The following ADAM12 variants were observed in gnomAD, a reference collection of about 807,000 sequenced individuals.
ADAM12 encodes the protein ADAM metallopeptidase domain 12.
In ADAM12, 70 loss-of-function variants were observed where a neutral mutation model predicts 106.4. That is an observed-to-expected ratio of 0.66 (90% CI 0.54 to 0.80). The LOEUF is 0.80. Ranked by LOEUF, ADAM12 falls within the 30% of genes least tolerant of loss-of-function variation. The probability of loss-of-function intolerance (pLI) is 0.00; values close to 1 mark genes in which losing one functional copy is unlikely to be tolerated. For missense variants in ADAM12, 1,010 were observed against 1,171.9 expected, an observed-to-expected ratio of 0.86 and a Z score of 2.02; for synonymous variants, 420 against 433.5, an observed-to-expected ratio of 0.97 and a Z score of 0.39.
chr10:126,295,569 ACAT>A (rs1040741730), intron 2 of ADAM12, among the ~76,000 whole-genome samples: 1 of 152,010 alleles, frequency 6.6e-6, no homozygotes, highest in African/African-American at 2.4e-5. Context: ...ACACACACAC[ACAT>A]CTCTGTTCTC....
intron 3 of ADAM12, among the ~76,000 whole-genome samples, chr10:126,222,155 C>T (rs1276145310): frequency 6.6e-6 from 1 of 152,202 alleles, no homozygotes; most frequent in Non-Finnish European, 1.5e-5. Flanking sequence ...TACTCAGTTA[C>T]AGGGACTGCT....
intron 3 of ADAM12, among the ~76,000 whole-genome samples, chr10:126,227,543 G>A (rs1958221802): frequency 6.6e-6 from 1 of 152,116 alleles, no homozygotes. Context: ...ACAGGAGCTT[G>A]TTAGAAACAT....
intron 1 of ADAM12, among the ~76,000 whole-genome samples, chr10:126,359,433 A>T (rs1204594744): frequency 1.3e-5 from 2 of 152,184 alleles, no homozygotes; most frequent in Non-Finnish European, 2.9e-5. Context: ...TACTTCCTAG[A>T]TACAATGAGG....
intron 3 of ADAM12, among the ~76,000 whole-genome samples, chr10:126,167,273 C>G (rs565522590): frequency 1.3e-5 from 2 of 152,322 alleles, no homozygotes; most frequent in African/African-American, 4.8e-5. Flanking sequence ...TTGCCGGGGT[C>G]ACACAGCTGG....
intron 3 of ADAM12, among the ~76,000 whole-genome samples, chr10:126,223,099 C>T (rs908352804): frequency 1.3e-5 from 2 of 152,188 alleles, no homozygotes; most frequent in African/African-American, 2.4e-5. Context: ...TTTTGCCTAT[C>T]GTTTTTCCTA....
At chr10:126,165,904 C>A (rs1957016283) in intron 3 of ADAM12, among the ~76,000 whole-genome samples, 1 of 152,180 alleles carries the variant, frequency 6.6e-6, no homozygotes, top group African/African-American at 2.4e-5. Context: ...TCTGTAAGAA[C>A]AATGGAGCAC....
In ADAM12 at chr10:126,232,025, A is replaced by G. The variant is rs186198079; in HGVS notation, c.260+46890T>C. The stretch of plus-strand genomic sequence containing the variant: ...TATATAACTGAAAGGAATTCTGGAC[A>G]TGAGTGTCCCTCACCCCATTGTTTC... On this transcript the variant is annotated intron_variant, in intron 3 of 22. Transcript: ENST00000448723. Among the ~76,000 whole-genome samples the G allele has an allele frequency of 2.0e-3, 311 of 152,314 alleles. 2 individuals are homozygous for G. The highest frequency in any genetic ancestry group is 7.1e-3 in the African/African-American group (297 of 41,572).
chr10:126,093,928 C>A, intron 11 of ADAM12, 57 bp downstream of exon 11: 1 of 1,598,642 alleles, frequency 6.3e-7, no homozygotes, highest in South Asian at 1.1e-5. Flanking sequence ...ATCTGGTTCC[C>A]AACACACACT....
intron 6 of ADAM12, among the ~76,000 whole-genome samples, chr10:126,114,759 C>T (rs564790177): frequency 2.6e-5 from 4 of 152,270 alleles, no homozygotes; most frequent in East Asian, 1.9e-4. Flanking sequence ...GGACTACAGG[C>T]GTGAGCCCCC....
intron 3 of ADAM12, among the ~76,000 whole-genome samples, chr10:126,202,214 C>T (rs1329484435): frequency 6.6e-6 from 1 of 152,224 alleles, no homozygotes; most frequent in Admixed American, 6.5e-5. Context: ...GCTATTAGTA[C>T]CTGTGGAAAA....
intron 1 of ADAM12, among the ~76,000 whole-genome samples, chr10:126,341,345 A>C (rs1167728942): frequency 6.6e-6 from 1 of 152,202 alleles, no homozygotes; most frequent in African/African-American, 2.4e-5. Flanking sequence ...GTATTTGTGC[A>C]ATGAATTATT....
intron 3 of ADAM12, among the ~76,000 whole-genome samples, chr10:126,163,905 T>C (rs920319473): frequency 2.0e-5 from 3 of 152,212 alleles, no homozygotes; most frequent in Non-Finnish European, 4.4e-5. Context: ...CAACCCAATC[T>C]GGATAGAATG....
intron 14 of ADAM12, among the ~76,000 whole-genome samples, chr10:126,059,514 T>C (rs1442529623): frequency 6.6e-6 from 1 of 152,236 alleles, no homozygotes; most frequent in African/African-American, 2.4e-5. Flanking sequence ...ATAAGACTTC[T>C]GGCAAAAATC....
At chr10:126,183,167 G>A (rs1020572518) in intron 3 of ADAM12, among the ~76,000 whole-genome samples, 2 of 152,152 alleles carry the variant, frequency 1.3e-5, no homozygotes, top group Admixed American at 6.5e-5. Flanking sequence ...AGATGGGACC[G>A]TCTAGTTACA....
intron 3 of ADAM12, among the ~76,000 whole-genome samples, chr10:126,235,970 G>T (rs1171047783): frequency 2.0e-5 from 3 of 152,106 alleles, no homozygotes; most frequent in Non-Finnish European, 4.4e-5. Flanking sequence ...GGGGAGCAGA[G>T]GCGAGGGCAG....
At chr10:126,232,599 C>T (rs1958333800) in intron 3 of ADAM12, among the ~76,000 whole-genome samples, 3 of 152,204 alleles carry the variant, frequency 2.0e-5, no homozygotes, top group Admixed American at 1.3e-4. Context: ...TCTTTGTTCT[C>T]CTCCTTCTCA....
chr10:126,164,702 C>T (rs922607530), intron 3 of ADAM12, among the ~76,000 whole-genome samples: 5 of 152,096 alleles, frequency 3.3e-5, no homozygotes, highest in East Asian at 3.9e-4. Flanking sequence ...GGAAGGCAAA[C>T]GGTATGCACC....
chr10:126,143,160 GTATA>G (rs558275239), intron 4 of ADAM12, among the ~76,000 whole-genome samples: 2 of 150,980 alleles, frequency 1.3e-5, no homozygotes, highest in Non-Finnish European at 2.9e-5. Context: ...ATATGCACGT[GTATA>G]TATATGTATG....
intron 3 of ADAM12, among the ~76,000 whole-genome samples, chr10:126,264,559 G>A (rs1959061403): frequency 1.3e-5 from 2 of 152,156 alleles, no homozygotes; most frequent in Admixed American, 1.3e-4. Context: ...GAAGAAAGAA[G>A]TGAGTATTTC....
Sources: allele counts gnomAD v4.1 joint callset (sites outside exome capture counted in the v4.1 genomes callset), GRCh38; gene constraint gnomAD v4.1.1; transcripts MANE v1.5; gene names NCBI Gene and HGNC (gene_info 2026-07-23, HGNC 2026-07-21).